The following ARHGAP22 variants were observed in gnomAD, a reference collection of about 807,000 sequenced individuals.
The protein encoded by ARHGAP22 is rho GTPase-activating protein 22.
ARHGAP22 carries 48 observed loss-of-function variants against 59.1 expected under a neutral mutation model. The observed-to-expected ratio is 0.81, with a 90% confidence interval of 0.64 to 1.03. ARHGAP22 has a LOEUF of 1.03. ARHGAP22 is among the 50% of genes least tolerant of loss of function. The pLI is 0.00. For synonymous variants in ARHGAP22, 445 were observed against 416.4 expected, an observed-to-expected ratio of 1.07 and a Z score of -0.84; for missense variants, 1,015 against 958.7, an observed-to-expected ratio of 1.06 and a Z score of -0.78.
chr10:48,581,810 G>A (rs1468022408), intron 2 of ARHGAP22, among the ~76,000 whole-genome samples: 1 of 152,130 alleles, frequency 6.6e-6, no homozygotes, highest in East Asian at 1.9e-4. Context: ...TATCACAAGC[G>A]GGAACTTTCC....
chr10:48,545,949 G>T (rs2056399130), intron 3 of ARHGAP22, among the ~76,000 whole-genome samples: 1 of 152,198 alleles, frequency 6.6e-6, no homozygotes, highest in African/African-American at 2.4e-5. Flanking sequence ...TTACACAGGG[G>T]GAAACTGAGA....
chr10:48,476,017 C>T (rs376019894), intron 4 of ARHGAP22, among the ~76,000 whole-genome samples: 1 of 152,190 alleles, frequency 6.6e-6, no homozygotes, highest in Non-Finnish European at 1.5e-5. Context: ...CAAACCCTAA[C>T]CCTATCTCTT....
intron 1 of ARHGAP22, among the ~76,000 whole-genome samples, chr10:48,588,758 C>T (rs1051402945): frequency 4.6e-5 from 7 of 152,188 alleles, no homozygotes; most frequent in Non-Finnish European, 1.0e-4. Flanking sequence ...TGTGGGGTCC[C>T]GCAGTCTGGC....
intron 3 of ARHGAP22, among the ~76,000 whole-genome samples, chr10:48,502,415 T>C (rs1174998346): frequency 6.6e-6 from 1 of 152,184 alleles, no homozygotes; most frequent in Non-Finnish European, 1.5e-5. Context: ...CCCTTCTCCA[T>C]TGAGAATCTT....
chr10:48,620,419 A>G (rs1468224023), intron 1 of ARHGAP22, among the ~76,000 whole-genome samples: 1 of 152,222 alleles, frequency 6.6e-6, no homozygotes, highest in Non-Finnish European at 1.5e-5. Flanking sequence ...ACTCAGATCA[A>G]GAGTGACGGA....
intron 1 of ARHGAP22, among the ~76,000 whole-genome samples, chr10:48,591,090 G>A (rs2059722697): frequency 6.6e-6 from 1 of 152,316 alleles, no homozygotes; most frequent in South Asian, 2.1e-4. Flanking sequence ...GGACACTACA[G>A]TTCTGAGACT....
rs79069617 is a variant in ARHGAP22 at position 48,583,105 on chromosome 10, G to A, written c.82C>T (p.Arg28Trp). Residue 28 changes from arginine to tryptophan, a missense_variant, in exon 2 of 10, where the codon CGG (arginine) becomes TGG (tryptophan). By Grantham distance (101) the Arg-to-Trp change is moderately radical. Transcript: ENST00000249601. ...VMGEQSRSPG[R>W]MPCPHRLGPV... ...CCCAGCCTGTGAGGGCACGGCATCC[G>A]CCCAGGGCTCCGGCTCTGCTCCCCC... is the stretch of plus-strand genomic sequence containing the variant. The A allele has an allele frequency of 1.9e-4, 314 of 1,614,242 alleles. No individual in the cohort carries two copies. Among genetic ancestry groups the A allele is most frequent in the Non-Finnish European group, 2.1e-4 (243 of 1,180,048 alleles).
chr10:48,603,486 T>C (rs1012320306), intron 1 of ARHGAP22, among the ~76,000 whole-genome samples: 3 of 152,260 alleles, frequency 2.0e-5, no homozygotes, highest in Non-Finnish European at 4.4e-5. Context: ...TTTTTTGTAC[T>C]AAATCATCAA....
At chr10:48,524,176 G>A (rs1282412841) in intron 3 of ARHGAP22, 12 of 1,112,234 alleles carry the variant, frequency 1.1e-5, no homozygotes, top group Non-Finnish European at 1.1e-5. Flanking sequence ...CGGCGCGGCC[G>A]AGGTCCGGCC....
At chr10:48,543,725 C>T (rs536579450) in intron 3 of ARHGAP22, among the ~76,000 whole-genome samples, 11 of 151,586 alleles carry the variant, frequency 7.3e-5, no homozygotes, top group African/African-American at 2.4e-5. Context: ...AGCTGTAAAG[C>T]GATGATTATT....
chr10:48,635,325 G>A (rs1175553679), intron 1 of ARHGAP22, among the ~76,000 whole-genome samples: 1 of 152,212 alleles, frequency 6.6e-6, no homozygotes, highest in Non-Finnish European at 1.5e-5. Context: ...AGAGAAAAAT[G>A]CCTGGGGTTT....
chr10:48,545,044 A>G (rs1208119246), intron 3 of ARHGAP22, among the ~76,000 whole-genome samples: 1 of 152,262 alleles, frequency 6.6e-6, no homozygotes, highest in East Asian at 1.9e-4. Flanking sequence ...TTTTGATTAC[A>G]TATTGAAATG....
intron 3 of ARHGAP22, among the ~76,000 whole-genome samples, chr10:48,507,357 A>G (rs143855624): frequency 7.9e-4 from 120 of 152,292 alleles, no homozygotes; most frequent in African/African-American, 2.8e-3. Context: ...CTTTGCATAC[A>G]TTTCTAGCAA....
At chr10:48,599,216 C>G (rs1208993029) in intron 1 of ARHGAP22, among the ~76,000 whole-genome samples, 1 of 152,154 alleles carries the variant, frequency 6.6e-6, no homozygotes, top group Non-Finnish European at 1.5e-5. Context: ...TAGGTCAAAG[C>G]CTGCTACCAT....
chr10:48,481,203 T>G (rs1321530126), intron 3 of ARHGAP22, among the ~76,000 whole-genome samples: 1 of 152,212 alleles, frequency 6.6e-6, no homozygotes, highest in Non-Finnish European at 1.5e-5. Flanking sequence ...GGTTGGCTGG[T>G]GTGGTCACTC....
chr10:48,610,389 C>A (rs1052696816), intron 1 of ARHGAP22, among the ~76,000 whole-genome samples: 12 of 152,102 alleles, frequency 7.9e-5, no homozygotes, highest in Non-Finnish European at 1.3e-4. Context: ...TGGATTGCAA[C>A]CTGTATCCTT....
chr10:48,524,401 C>G (rs1454560324), intron 3 of ARHGAP22, among the ~76,000 whole-genome samples: 1 of 151,878 alleles, frequency 6.6e-6, no homozygotes, highest in Non-Finnish European at 1.5e-5. Context: ...CTGCCCTCGC[C>G]GGCGCCCTCC....
downstream of ARHGAP22, among the ~76,000 whole-genome samples, chr10:48,442,986 C>T (rs573850216): frequency 6.6e-6 from 1 of 152,206 alleles, no homozygotes; most frequent in East Asian, 1.9e-4. Context: ...GGGCAGGATG[C>T]GCATCTGGGC....
At chr10:48,462,623 C>A (rs191542047) in intron 4 of ARHGAP22, among the ~76,000 whole-genome samples, 52 of 152,340 alleles carry the variant, frequency 3.4e-4, no homozygotes, top group African/African-American at 1.3e-3. Flanking sequence ...AATCCAGCAC[C>A]AGCAGTTCCT....
Sources: gnomAD v4.1 joint callset for allele counts (sites outside exome capture counted in the v4.1 genomes callset) on GRCh38, gnomAD v4.1.1 for gene constraint, MANE v1.5 for transcripts, NCBI Gene and HGNC (gene_info 2026-07-23, HGNC 2026-07-21) for gene names.